The following CPO variants were observed in gnomAD, a reference collection of about 807,000 sequenced individuals.
CPO encodes the protein carboxypeptidase O.
Under a neutral mutation model 41.2 loss-of-function variants are expected in CPO, and 43 were observed. That is an observed-to-expected ratio of 1.04 (90% CI 0.82 to 1.35). The LOEUF (loss-of-function observed/expected upper bound fraction) is 1.35, where lower values mean the gene tolerates loss of function less well. CPO is among the 40% of genes most tolerant of loss of function. The pLI, the probability that CPO is intolerant of heterozygous loss-of-function variation, is 0.00. For synonymous variants in CPO, 178 were observed against 162.7 expected (o/e 1.09, Z -0.72); for missense variants, 408 against 451.7 (o/e 0.90, Z 0.88).
chr2:206,958,669 C>T lies in CPO; in HGVS notation c.372+264C>T, dbSNP rs1693418403. On this transcript the variant is annotated intron_variant, in intron 4 of 8. Coordinates refer to ENST00000272852, the MANE Select transcript of CPO (RefSeq NM_173077.3). ...GTAGAAGAACATATGTCTATGGAGT[C>T]AGAGATGAGTTTGAATCCTGGCTGT... Among the ~76,000 whole-genome samples the T allele has an allele frequency of 4.1e-5, 6 of 146,814 alleles. No individual in the cohort carries two copies. The Admixed American group carries it at 4.1e-4, about 10-fold the overall frequency.
chr2:206,959,961 T>C (rs1459698527), intron 5 of CPO, among the ~76,000 whole-genome samples: 2 of 152,186 alleles, frequency 1.3e-5, no homozygotes, highest in African/African-American at 2.4e-5. Context: ...TTGAAGTCCA[T>C]TACAGGTTTT....
chr2:206,940,622 C>CTG lies in CPO; in HGVS notation c.68+965_68+966dup, dbSNP rs542912553. On this transcript the variant is annotated intron_variant, in intron 1 of 8. Coordinates refer to ENST00000272852, the MANE Select transcript of CPO (RefSeq NM_173077.3). ...TTCTCTAAATACATTCTATTGAAATCTGTGTGTGTGTATGTGTGTGTGTAT... is the reference window on the plus strand; with the variant it reads ...TTCTCTAAATACATTCTATTGAAATCTGTGTGTGTGTGTATGTGTGTGTGTAT... 4.0e-5 allele frequency among the ~76,000 whole-genome samples: 6 copies of CTG among 151,826 alleles called. No homozygotes were observed. The South Asian group carries it at 6.2e-4, about 16-fold the overall frequency.
rs1447989402 is a variant in CPO at position 206,955,495 on chromosome 2, G to A, written c.198G>A (p.Lys66=). Residue 66 remains lysine (K), a synonymous_variant, in exon 3 of 9, where the codon AAG becomes AAA. Coordinates refer to ENST00000272852, the MANE Select transcript of CPO (RefSeq NM_173077.3). The stretch of plus-strand genomic sequence containing the variant: ...AGTGGATGAGAGAGATCAGTGAGAA[G>A]TACAAGGAAGTGGTGACACAGCATT... The part of the protein sequence containing the change: ...IYEWMREISE[K]YKEVVTQHFL... The A allele has an allele frequency of 2.5e-6, 4 of 1,611,186 alleles. No individual in the cohort carries two copies. The highest frequency in any genetic ancestry group is 2.2e-5 in the South Asian group (2 of 91,032).
intron 7 of CPO, among the ~76,000 whole-genome samples, chr2:206,966,034 T>C (rs13384272): frequency 0.66 from 100,378 of 151,922 alleles, 33,599 homozygotes; most frequent in Middle Eastern, 0.76. Flanking sequence ...TATCTCTTAC[T>C]CCTCTCTGCT....
intron 3 of CPO, among the ~76,000 whole-genome samples, chr2:206,956,676 G>T: frequency 6.6e-6 from 1 of 152,166 alleles, no homozygotes; most frequent in East Asian, 1.9e-4. Flanking sequence ...GATACCACTG[G>T]TCCAGGACCA....
At chr2:206,947,185 A>G (rs1255914684) in intron 1 of CPO, among the ~76,000 whole-genome samples, 2 of 152,208 alleles carry the variant, frequency 1.3e-5, no homozygotes, top group East Asian at 3.8e-4. Context: ...ATATAAAGCT[A>G]CAGTAATCAA....
Position 206,949,701 on chromosome 2 carries a change from C to T in CPO, c.153C>T (p.His51=), listed in dbSNP as rs762609491. The T allele has an allele frequency of 6.2e-7, 1 of 1,608,636 alleles. No homozygotes were observed. Among genetic ancestry groups the T allele is most frequent in the Middle Eastern group, 1.7e-4 (1 of 6,046 alleles). The change falls in exon 2 of 9, where the codon CAC becomes CAT. Residue 51 remains histidine (H), a synonymous_variant. Coordinates refer to ENST00000272852, the MANE Select transcript of CPO (RefSeq NM_173077.3). ...SLETYSYNIY[H]PMGEIYEWMR... ...AGACGTATTCCTATAACATATACCA[C>T]CCCATGGGAGAGGTAAGGAAGGACA...
chr2:206,952,381 G>A (rs1005301400), intron 2 of CPO, among the ~76,000 whole-genome samples: 4 of 152,106 alleles, frequency 2.6e-5, no homozygotes, highest in African/African-American at 9.7e-5. Flanking sequence ...CCAAAGTGCT[G>A]GGATTACAGC....
At chr2:206,952,572 C>T (rs1034158527) in intron 2 of CPO, among the ~76,000 whole-genome samples, 9 of 152,162 alleles carry the variant, frequency 5.9e-5, no homozygotes, top group Middle Eastern at 3.2e-3. Flanking sequence ...AAATTACGGA[C>T]TTCCAGACCA....
chr2:206,944,443 T>TA (rs561002877), intron 1 of CPO, among the ~76,000 whole-genome samples: 37 of 152,090 alleles, frequency 2.4e-4, no homozygotes, highest in Admixed American at 5.9e-4. Context: ...CCTTGTTTAT[T>TA]AAAAAATCAA....
intron 3 of CPO, among the ~76,000 whole-genome samples, chr2:206,956,318 G>A (rs755682159): frequency 4.6e-5 from 7 of 152,038 alleles, no homozygotes; most frequent in Non-Finnish European, 7.4e-5. Flanking sequence ...GGCATACTTC[G>A]AACACTCTCT....
intron 7 of CPO, among the ~76,000 whole-genome samples, chr2:206,962,913 C>T (rs537555719): frequency 1.3e-5 from 2 of 152,314 alleles, no homozygotes; most frequent in South Asian, 4.1e-4. Flanking sequence ...CAGGAATGCA[C>T]TTTCATTTCT....
At chr2:206,939,726 G>T in intron 1 of CPO, 59 bp downstream of exon 1, 1 of 1,480,254 alleles carries the variant, frequency 6.8e-7, no homozygotes, top group South Asian at 1.2e-5. Flanking sequence ...TAAATTGAAT[G>T]GTTTCTTTTT....
At chr2:206,945,865 G>A (rs1368365011) in intron 1 of CPO, among the ~76,000 whole-genome samples, 1 of 151,976 alleles carries the variant, frequency 6.6e-6, no homozygotes, top group East Asian at 1.9e-4. Flanking sequence ...GAACCTGGGA[G>A]GCGGAGGTTG....
chr2:206,943,377 A>C (rs34394073), intron 1 of CPO, among the ~76,000 whole-genome samples: 52,380 of 151,774 alleles, frequency 0.35, 9,625 homozygotes, highest in Middle Eastern at 0.48. Context: ...AGTTAAAAGG[A>C]TATCCTCTTC....
chr2:206,966,657 G>A (rs1266575210), intron 7 of CPO, among the ~76,000 whole-genome samples: 1 of 152,190 alleles, frequency 6.6e-6, no homozygotes, highest in Non-Finnish European at 1.5e-5. Context: ...CAGGAACTGA[G>A]GCAGACTCAG....
chr2:206,948,848 A>C (rs993022), intron 1 of CPO, among the ~76,000 whole-genome samples: 68,954 of 152,012 alleles, frequency 0.45, 16,100 homozygotes, highest in Non-Finnish European at 0.53. Flanking sequence ...ATGTATGAAG[A>C]GTGAGCCCTA....
chr2:206,945,489 G>A (rs1434202509), intron 1 of CPO, among the ~76,000 whole-genome samples: 1 of 152,174 alleles, frequency 6.6e-6, no homozygotes, highest in East Asian at 1.9e-4. Context: ...ACAAATGTTT[G>A]TGCGGCTTAG....
intron 1 of CPO, among the ~76,000 whole-genome samples, chr2:206,947,902 C>T (rs1224567963): frequency 6.6e-6 from 1 of 152,076 alleles, no homozygotes; most frequent in Non-Finnish European, 1.5e-5. Flanking sequence ...TTAGAATGTC[C>T]AAAATCCAAA....
Sources: gnomAD v4.1 joint callset for allele counts (sites outside exome capture counted in the v4.1 genomes callset) on GRCh38, gnomAD v4.1.1 for gene constraint, MANE v1.5 for transcripts, NCBI Gene and HGNC (gene_info 2026-07-23, HGNC 2026-07-21) for gene names.